Variants in POLR3B observed in about 807,000 individuals in gnomAD.
The protein encoded by POLR3B is DNA-directed RNA polymerase III subunit RPC2.
A neutral mutation model predicts 147.4 loss-of-function variants in POLR3B; 96 were observed. The observed-to-expected ratio is 0.65, with a 90% confidence interval of 0.55 to 0.77. The LOEUF is 0.77. Among genes scored for constraint, POLR3B ranks in the 30% least tolerant of loss-of-function variants. The probability of loss-of-function intolerance (pLI) is 0.00; values close to 1 mark genes in which losing one functional copy is unlikely to be tolerated. For synonymous variants in POLR3B, 461 were observed against 485.9 expected, an observed-to-expected ratio of 0.95 and a Z score of 0.67; for missense variants, 1,036 against 1,413.5, an observed-to-expected ratio of 0.73 and a Z score of 4.28.
chr12:106,430,547 G>T, intron 14 of POLR3B, 74 bp downstream of exon 14: 1 of 1,153,290 alleles, frequency 8.7e-7, no homozygotes, highest in Non-Finnish European at 1.3e-6. Flanking sequence ...GGGTGGGGAG[G>T]TCTGCTTCTG....
intron 23 of POLR3B, among the ~76,000 whole-genome samples, chr12:106,473,841 T>C (rs950487899): frequency 6.7e-6 from 1 of 148,270 alleles, no homozygotes; most frequent in Non-Finnish European, 1.5e-5. Context: ...CTTTTCCTAA[T>C]TGAATACCCT....
chr12:106,508,355 A>C (rs2038722546), intron 27 of POLR3B, among the ~76,000 whole-genome samples: 1 of 152,162 alleles, frequency 6.6e-6, no homozygotes, highest in African/African-American at 2.4e-5. Flanking sequence ...AGAATGGCCA[A>C]TCCTTTGTTC....
chr12:106,485,784 G>T (rs1337162451), intron 23 of POLR3B, among the ~76,000 whole-genome samples: 3 of 152,204 alleles, frequency 2.0e-5, no homozygotes, highest in African/African-American at 4.8e-5. Context: ...TAGACTCCAA[G>T]TGAAGATATA....
chr12:106,477,645 C>G (rs2038193504), intron 23 of POLR3B, among the ~76,000 whole-genome samples: 1 of 152,272 alleles, frequency 6.6e-6, no homozygotes, highest in African/African-American at 2.4e-5. Flanking sequence ...GTCCGTCACC[C>G]CTTTCTTTGA....
chr12:106,369,444 G>C (rs928380357), intron 5 of POLR3B, 94 bp downstream of exon 5: 5 of 941,872 alleles, frequency 5.3e-6, no homozygotes, highest in Non-Finnish European at 1.8e-6. Flanking sequence ...AAAATGGGAT[G>C]GGGGGGGACA....
chr12:106,409,541 C>T (rs1177733600), intron 11 of POLR3B, among the ~76,000 whole-genome samples: 1 of 151,284 alleles, frequency 6.6e-6, no homozygotes, highest in South Asian at 2.1e-4. Flanking sequence ...GTAAATTGAC[C>T]TAGAGAAGAA....
rs1187883463 is a variant in POLR3B, at chr12:106,509,709, G to C, written c.*160G>C. The C allele has an allele frequency of 1.6e-6, 1 of 637,440 alleles. No individual in the cohort carries two copies. The highest frequency in any genetic ancestry group is 1.8e-5 in the African/African-American group (1 of 54,968). 39.5% of individuals were successfully genotyped at this position (637,440 alleles called of 1,614,324 possible). A position where few individuals can be genotyped will look rare whatever the true frequency, so the allele number is the denominator to read the frequency against. Reference sequence around the variant, plus strand: ...TGGAGAGGCTTTTTATATACTCTAAGACTGGCTAAACAACCTTGATCATTG... The same window carrying C: ...TGGAGAGGCTTTTTATATACTCTAACACTGGCTAAACAACCTTGATCATTG... On this transcript the variant is annotated 3_prime_UTR_variant, in exon 28 of 28. Transcript: ENST00000228347.
At chr12:106,468,996 T>G (rs2038049244) in intron 23 of POLR3B, among the ~76,000 whole-genome samples, 1 of 152,168 alleles carries the variant, frequency 6.6e-6, no homozygotes, top group Non-Finnish European at 1.5e-5. Context: ...TGGATATCCT[T>G]GTTAAGTTTC....
At chr12:106,463,986 A>G (rs6539271) in intron 23 of POLR3B, among the ~76,000 whole-genome samples, 59,563 of 151,456 alleles carry the variant, frequency 0.39, 13,856 homozygotes, top group African/African-American at 0.65. Flanking sequence ...TGTTCTGTTG[A>G]GTCATAGTGT....
At chr12:106,421,778 C>T (rs1047079414) in intron 12 of POLR3B, among the ~76,000 whole-genome samples, 3 of 152,094 alleles carry the variant, frequency 2.0e-5, no homozygotes, top group African/African-American at 7.2e-5. Context: ...CTACTCACTG[C>T]AACCTCCACT....
chr12:106,493,743 G>A (rs2038436686), intron 23 of POLR3B, among the ~76,000 whole-genome samples: 1 of 152,216 alleles, frequency 6.6e-6, no homozygotes, highest in South Asian at 2.1e-4. Flanking sequence ...TCAGCAGAGG[G>A]TAGAAGCCGC....
At chr12:106,377,479 C>G (rs929961600) in intron 7 of POLR3B, among the ~76,000 whole-genome samples, 2 of 152,090 alleles carry the variant, frequency 1.3e-5, no homozygotes, top group Admixed American at 1.3e-4. Context: ...TTATCCTACT[C>G]TGAATTGTGT....
intron 9 of POLR3B, among the ~76,000 whole-genome samples, chr12:106,387,768 A>G (rs947661067): frequency 2.0e-5 from 3 of 152,222 alleles, no homozygotes; most frequent in South Asian, 4.1e-4. Flanking sequence ...GACCTTGGGC[A>G]TATTTTCCAG....
intron 10 of POLR3B, among the ~76,000 whole-genome samples, chr12:106,396,729 G>A (rs1486051951): frequency 6.6e-6 from 1 of 152,112 alleles, no homozygotes; most frequent in Non-Finnish European, 1.5e-5. Context: ...TAATTGGACA[G>A]GAATTCCAAG....
intron 19 of POLR3B, among the ~76,000 whole-genome samples, chr12:106,445,614 T>A (rs1387919150): frequency 6.6e-6 from 1 of 152,234 alleles, no homozygotes; most frequent in Non-Finnish European, 1.5e-5. Flanking sequence ...AAAGTTTTAC[T>A]TATAAAGCTT....
chr12:106,456,502 T>G (rs1182028848), intron 20 of POLR3B, among the ~76,000 whole-genome samples: 1 of 152,196 alleles, frequency 6.6e-6, no homozygotes, highest in Admixed American at 6.6e-5. Flanking sequence ...TGATTATTTC[T>G]TTTTTCATTC....
rs780334764 is a variant in POLR3B, at chr12:106,357,935, C to G, written c.56C>G (p.Pro19Arg). ...CTGACTCCGGAGCAGCTGGCGGCGC[C>G]GATCCCGACTGTAGAGGTCAGTGCC... ...GNLTPEQLAA[P>R]IPTVEEKWRL... The change falls in exon 1 of 28, where the codon CCG (proline) becomes CGG (arginine). Residue 19 changes from proline to arginine, a missense_variant. By Grantham distance (103) the Pro-to-Arg change is moderately radical (BLOSUM62 -2). Transcript: ENST00000228347. 8.1e-6 allele frequency: 13 copies of G among 1,612,986 alleles called. No homozygotes were observed. Among genetic ancestry groups the G allele is most frequent in the Non-Finnish European group, 1.1e-5 (13 of 1,179,946 alleles).
At chr12:106,415,557 T>G (rs1468706151) in intron 12 of POLR3B, among the ~76,000 whole-genome samples, 2 of 152,210 alleles carry the variant, frequency 1.3e-5, no homozygotes, top group East Asian at 3.8e-4. Context: ...CTGAGTCCCC[T>G]GGAATTTTCC....
intron 24 of POLR3B, chr12:106,496,471 G>C (rs2038487661): frequency 1.7e-6 from 1 of 597,070 alleles, no homozygotes; most frequent in Non-Finnish European, 3.0e-6. Flanking sequence ...TATTTTTAGT[G>C]ATCCTGGCTC....
Sources: allele counts gnomAD v4.1 joint callset (sites outside exome capture counted in the v4.1 genomes callset), GRCh38; gene constraint gnomAD v4.1.1; transcripts MANE v1.5; gene names NCBI Gene and HGNC (gene_info 2026-07-23, HGNC 2026-07-21).